Variants in LNX1 observed in about 807,000 individuals in gnomAD.
LNX1 encodes ligand of numb-protein X 1.
Under a neutral mutation model 68.4 loss-of-function variants are expected in LNX1, and 54 were observed. The observed-to-expected ratio is 0.79, with a 90% CI of 0.63 to 0.99. LNX1 has a LOEUF of 0.99. LNX1 is among the 50% of genes least tolerant of loss of function. The pLI, the probability that LNX1 is intolerant of heterozygous loss-of-function variation, is 0.00. For synonymous variants in LNX1, 336 were observed against 350.0 expected (o/e 0.96, Z 0.45); for missense variants, 906 against 926.4 (o/e 0.98, Z 0.29).
chr4:53,473,786 T>C (rs887308145), intron 9 of LNX1, among the ~76,000 whole-genome samples: 3 of 152,014 alleles, frequency 2.0e-5, no homozygotes, highest in Admixed American at 6.5e-5. Flanking sequence ...AACCTGCACA[T>C]GTACCCCTGA....
chr4:53,526,082 A>G (rs1435265730), intron 2 of LNX1, among the ~76,000 whole-genome samples: 1 of 148,166 alleles, frequency 6.7e-6, no homozygotes, highest in Non-Finnish European at 1.5e-5. Context: ...AAAGCATTAC[A>G]GTATGTTTTG....
intron 2 of LNX1, chr4:53,558,329 G>GGGAGTTAAAATGTGTTGGA: frequency 9.5e-7 from 1 of 1,048,810 alleles, no homozygotes; most frequent in Non-Finnish European, 1.2e-6. Flanking sequence ...CAGACAGGCT[G>GGGAGTTAAAATGTGTTGGA]GGAGTTAAAA....
intron 2 of LNX1, among the ~76,000 whole-genome samples, chr4:53,555,139 T>G (rs1312316871): frequency 6.6e-6 from 1 of 152,152 alleles, no homozygotes; most frequent in Non-Finnish European, 1.5e-5. Context: ...TGCCTGCTTT[T>G]GGGATCCTAT....
intron 2 of LNX1, among the ~76,000 whole-genome samples, chr4:53,568,939 G>C (rs1159428650): frequency 1.3e-5 from 2 of 151,784 alleles, no homozygotes; most frequent in Admixed American, 6.6e-5. Context: ...AAAATACCTA[G>C]GAATCCATCT....
chr4:53,609,938 C>T (rs1390057106), intron 2 of LNX1, among the ~76,000 whole-genome samples: 6 of 151,188 alleles, frequency 4.0e-5, no homozygotes, highest in Non-Finnish European at 8.8e-5. Flanking sequence ...TTAATGCTCA[C>T]AACCATGTGA....
intron 9 of LNX1, among the ~76,000 whole-genome samples, chr4:53,462,798 G>A (rs1214790509): frequency 6.6e-6 from 1 of 152,100 alleles, no homozygotes; most frequent in African/African-American, 2.4e-5. Context: ...TTGCTTAAAA[G>A]TATGAATTTC....
chr4:53,471,019 G>T lies in LNX1; in HGVS notation c.1892+5734C>A, dbSNP rs1579361348. On this transcript the variant is annotated intron_variant, in intron 9 of 10. Coordinates refer to ENST00000263925, the MANE Select transcript of LNX1 (RefSeq NM_001126328.3). ...AAAGTTCATATGGAACCAAAAAAGA[G>T]CCCGCATTGCCAAGTCAATCCTAAG... Among the ~76,000 whole-genome samples, 4 of 124,410 alleles carry T rather than the reference G, an allele frequency of 3.2e-5. 1 individual carries two copies. The East Asian group carries it at 9.1e-4, about 28-fold the overall frequency. 81.6% of individuals were successfully genotyped at this position (124,410 alleles called of 152,430 possible).
intron 2 of LNX1, among the ~76,000 whole-genome samples, chr4:53,611,209 A>C (rs1360673452): frequency 6.6e-6 from 1 of 152,150 alleles, no homozygotes; most frequent in African/African-American, 2.4e-5. Context: ...TCTAGGAATA[A>C]GAAAAGGAAT....
intron 2 of LNX1, among the ~76,000 whole-genome samples, chr4:53,565,000 C>T (rs1038852682): frequency 2.2e-4 from 34 of 152,162 alleles, no homozygotes; most frequent in African/African-American, 8.2e-4. Flanking sequence ...AGGGTCCTAC[C>T]CCACGGAGTC....
At chr4:53,578,054 A>G (rs1281719006) in intron 1 of LNX1, among the ~76,000 whole-genome samples, 1 of 152,172 alleles carries the variant, frequency 6.6e-6, no homozygotes, top group East Asian at 1.9e-4. Context: ...TAACTTGTCA[A>G]TCACACCAAA....
chr4:53,626,947 C>G (rs924627044), intron 1 of LNX1, among the ~76,000 whole-genome samples: 1 of 152,164 alleles, frequency 6.6e-6, no homozygotes, highest in African/African-American at 2.4e-5. Context: ...AAGACTGAAC[C>G]TTTACTCATC....
intron 9 of LNX1, among the ~76,000 whole-genome samples, chr4:53,466,166 A>G (rs1722663353): frequency 6.9e-6 from 1 of 145,790 alleles, no homozygotes; most frequent in African/African-American, 2.5e-5. Context: ...GAAAAAAAAA[A>G]TCACATATTA....
At chr4:53,475,163 G>A (rs974384918) in intron 9 of LNX1, among the ~76,000 whole-genome samples, 2 of 152,142 alleles carry the variant, frequency 1.3e-5, no homozygotes, top group Non-Finnish European at 2.9e-5. Context: ...TGTATTTGGA[G>A]CAAAAAGCAC....
intron 6 of LNX1, among the ~76,000 whole-genome samples, chr4:53,491,629 G>A (rs1724680138): frequency 6.6e-6 from 1 of 151,940 alleles, no homozygotes; most frequent in African/African-American, 2.4e-5. Flanking sequence ...GTGCTTCTTT[G>A]GTAAATGGTT....
intron 1 of LNX1, among the ~76,000 whole-genome samples, chr4:53,648,188 C>T (rs946269243): frequency 1.3e-5 from 2 of 152,236 alleles, no homozygotes; most frequent in Non-Finnish European, 2.9e-5. Flanking sequence ...TACCATGTTA[C>T]ACAATAGCTG....
chr4:53,550,576 G>C (rs1729429219), intron 2 of LNX1, among the ~76,000 whole-genome samples: 2 of 152,206 alleles, frequency 1.3e-5, no homozygotes, highest in South Asian at 4.1e-4. Flanking sequence ...TGTTGGGAAT[G>C]GCTAACACAG....
chr4:53,573,560 G>A, intron 2 of LNX1, 63 bp downstream of exon 2: 9 of 1,147,670 alleles, frequency 7.8e-6, no homozygotes, highest in South Asian at 2.9e-5. Flanking sequence ...AGACTGGGGG[G>A]TGGAGGGGTC....
intron 2 of LNX1, among the ~76,000 whole-genome samples, chr4:53,512,601 G>T (rs1726434668): frequency 6.6e-6 from 1 of 152,042 alleles, no homozygotes; most frequent in African/African-American, 2.4e-5. Context: ...GTCCAAAAAT[G>T]AGACTAATTT....
chr4:53,526,993 T>C (rs1727654701), intron 2 of LNX1, among the ~76,000 whole-genome samples: 1 of 135,264 alleles, frequency 7.4e-6, no homozygotes, highest in South Asian at 2.3e-4. Flanking sequence ...GGGTGAGGAA[T>C]ACATAAGAGG....
Sources: allele counts gnomAD v4.1 joint callset (sites outside exome capture counted in the v4.1 genomes callset), GRCh38; gene constraint gnomAD v4.1.1; transcripts MANE v1.5; gene names NCBI Gene and HGNC (gene_info 2026-07-23, HGNC 2026-07-21).